The following MICU1 variants were observed in gnomAD, a reference collection of about 807,000 sequenced individuals.
MICU1 encodes the protein mitochondrial calcium uptake 1, also known as calcium uptake protein 1, mitochondrial.
Under a neutral mutation model 56.8 loss-of-function variants are expected in MICU1, and 45 were observed. That is an observed-to-expected ratio of 0.79 (90% CI 0.62 to 1.02). The LOEUF (loss-of-function observed/expected upper bound fraction) is 1.02. MICU1 is among the 50% of genes least tolerant of loss of function. The pLI is 0.00. For missense variants in MICU1, 504 were observed against 587.1 expected (o/e 0.86, Z 1.46); for synonymous variants, 186 against 195.1 (o/e 0.95, Z 0.39).
At chr10:72,517,003 T>C (rs556319556) in intron 5 of MICU1, among the ~76,000 whole-genome samples, 15 of 152,330 alleles carry the variant, frequency 9.8e-5, no homozygotes, top group South Asian at 2.1e-4. Context: ...AGTGAATTTA[T>C]AGAGTATCCA....
rs140696512 is a variant in MICU1, at chr10:72,530,289, C to T, written c.537+3457G>A. On this transcript the variant is annotated intron_variant, in intron 5 of 11. Coordinates refer to ENST00000361114, the MANE Select transcript of MICU1 (RefSeq NM_001195518.2). Reference sequence around the variant, plus strand: ...CAGAGGTTGCAGTGGGCCGAGATCACGACATTGCACTCCAGCCTGGGTGAC... The same window carrying T: ...CAGAGGTTGCAGTGGGCCGAGATCATGACATTGCACTCCAGCCTGGGTGAC... 2.9e-3 allele frequency among the ~76,000 whole-genome samples: 427 copies of T among 149,286 alleles called. 2 individuals are homozygous for T. Among genetic ancestry groups the T allele is most frequent in the African/African-American group, 9.8e-3 (403 of 40,938 alleles).
At chr10:72,611,546 G>T (rs1414127008) in intron 1 of MICU1, among the ~76,000 whole-genome samples, 1 of 151,704 alleles carries the variant, frequency 6.6e-6, no homozygotes, top group Non-Finnish European at 1.5e-5. Context: ...GCTTGAACCC[G>T]GGCGGCAGAG....
chr10:72,406,721 G>C (rs1235957623), intron 10 of MICU1, among the ~76,000 whole-genome samples: 4 of 151,998 alleles, frequency 2.6e-5, no homozygotes, highest in Non-Finnish European at 5.9e-5. Context: ...CTGCCTCCCA[G>C]ATTCAAGCAA....
chr10:72,592,220 GCTGGTCTCAAACTC>G (rs1316696378), intron 1 of MICU1, among the ~76,000 whole-genome samples: 6 of 151,744 alleles, frequency 4.0e-5, no homozygotes, highest in African/African-American at 1.5e-4. Flanking sequence ...TGTTGGTCAG[GCTGGTCTCAAACTC>G]CTGACCTCGT....
At chr10:72,561,953 A>G (rs1232258407) in intron 3 of MICU1, among the ~76,000 whole-genome samples, 2 of 152,220 alleles carry the variant, frequency 1.3e-5, no homozygotes, top group Non-Finnish European at 2.9e-5. Context: ...TATTAGCTAT[A>G]GTTTAGCAAC....
At chr10:72,385,687 T>C (rs1862864188) in intron 10 of MICU1, among the ~76,000 whole-genome samples, 1 of 152,182 alleles carries the variant, frequency 6.6e-6, no homozygotes, top group Non-Finnish European at 1.5e-5. Flanking sequence ...CCGCCCAGTA[T>C]TTCCACCCTC....
intron 6 of MICU1, among the ~76,000 whole-genome samples, chr10:72,486,958 A>G (rs1866494518): frequency 6.6e-6 from 1 of 152,256 alleles, no homozygotes; most frequent in Non-Finnish European, 1.5e-5. Context: ...ATCAGTTAGA[A>G]AAAAGCCCCT....
chr10:72,380,411 A>C (rs564434036), intron 10 of MICU1, among the ~76,000 whole-genome samples: 8 of 152,314 alleles, frequency 5.3e-5, no homozygotes, highest in African/African-American at 1.9e-4. Context: ...ATCTGGCACC[A>C]TCTGGCTTTT....
At chr10:72,448,540 T>C (rs1865195832) in intron 8 of MICU1, among the ~76,000 whole-genome samples, 1 of 152,030 alleles carries the variant, frequency 6.6e-6, no homozygotes, top group African/African-American at 2.4e-5. Context: ...AAAGGAGAGC[T>C]AGAGATTGGA....
intron 9 of MICU1, among the ~76,000 whole-genome samples, chr10:72,409,141 T>G (rs1333082906): frequency 6.6e-6 from 1 of 152,188 alleles, no homozygotes; most frequent in Non-Finnish European, 1.5e-5. Flanking sequence ...GGGAAAACAC[T>G]GGGAAATGTC....
At chr10:72,485,340 A>G (rs540136181) in intron 6 of MICU1, among the ~76,000 whole-genome samples, 1 of 152,098 alleles carries the variant, frequency 6.6e-6, no homozygotes, top group East Asian at 1.9e-4. Flanking sequence ...GACCTCCCAA[A>G]GTGCTGGGAT....
At chr10:72,395,928 T>C (rs1863241391) in intron 10 of MICU1, among the ~76,000 whole-genome samples, 1 of 152,142 alleles carries the variant, frequency 6.6e-6, no homozygotes, top group African/African-American at 2.4e-5. Context: ...GAGCAGTTGT[T>C]CTCCCAAGAT....
intron 5 of MICU1, among the ~76,000 whole-genome samples, chr10:72,529,017 T>A (rs975488503): frequency 9.9e-5 from 15 of 152,216 alleles, no homozygotes; most frequent in Admixed American, 5.2e-4. Flanking sequence ...AATCATATTG[T>A]CTGTTATAAA....
At chr10:72,597,115 A>G (rs1464519389) in intron 1 of MICU1, among the ~76,000 whole-genome samples, 3 of 152,144 alleles carry the variant, frequency 2.0e-5, no homozygotes, top group African/African-American at 7.2e-5. Flanking sequence ...AAGTCTATTA[A>G]TTTAAAAAAA....
At chr10:72,560,461 A>G (rs1840268859) in intron 3 of MICU1, 1 of 152,268 alleles carries the variant, frequency 6.6e-6, no homozygotes, top group Non-Finnish European at 1.5e-5. Context: ...CTTAAGAAAC[A>G]AGGATGTTTA....
intron 1 of MICU1, among the ~76,000 whole-genome samples, chr10:72,594,841 T>C (rs532463915): frequency 6.9e-6 from 1 of 145,058 alleles, no homozygotes; most frequent in Non-Finnish European, 1.5e-5. Flanking sequence ...GCCCAGGAGG[T>C]TGAGGCTGCA....
rs1163678166 is a variant in MICU1, at chr10:72,427,400, T to C, written c.934-4029A>G. ...CAGGAAAGGAAGAAAACATATATTA[T>C]GAACAAAGGCCAAAAGTAAGAATAG... On this transcript the variant is annotated intron_variant, in intron 8 of 11. Transcript: ENST00000361114. Among the ~76,000 whole-genome samples the C allele has an allele frequency of 2.0e-5, 3 of 152,104 alleles. 1 individual carries two copies. Among genetic ancestry groups the C allele is most frequent in the East Asian group, 1.9e-4 (1 of 5,196 alleles).
chr10:72,455,036 A>G (rs1192493281), intron 8 of MICU1, among the ~76,000 whole-genome samples: 1 of 152,036 alleles, frequency 6.6e-6, no homozygotes, highest in Non-Finnish European at 1.5e-5. Context: ...ATAACCAAAC[A>G]GTAGCAAGTT....
Position 72,367,997 on chromosome 10 carries a change from T to C in MICU1, c.*198A>G. ...TCATGTTTTTGAGAACCTATGGGGA[T>C]ACTCATTGGGCAGAATCAGAGCCCA... On this transcript the variant is annotated 3_prime_UTR_variant, in exon 12 of 12. Transcript: ENST00000361114. 1.8e-6 allele frequency: 1 copy of C among 552,076 alleles called. No homozygotes were observed. Among genetic ancestry groups the C allele is most frequent in the Non-Finnish European group, 3.2e-6 (1 of 312,112 alleles). The allele number at this position is 552,076 out of a possible 1,614,324, so 34.2% of individuals were successfully genotyped here. A position where few individuals can be genotyped will look rare whatever the true frequency, so the allele number is the denominator to read the frequency against.
Sources: gnomAD v4.1 joint callset for allele counts (sites outside exome capture counted in the v4.1 genomes callset) on GRCh38, gnomAD v4.1.1 for gene constraint, MANE v1.5 for transcripts, NCBI Gene and HGNC (gene_info 2026-07-23, HGNC 2026-07-21) for gene names.